The following GALNT13 variants were observed in gnomAD, a reference collection of about 807,000 sequenced individuals.
GALNT13 encodes UDP-GalNAc:polypeptide N-acetylgalactosaminyltransferase 13.
Under a neutral mutation model 64.2 loss-of-function variants are expected in GALNT13, and 28 were observed. The observed-to-expected ratio is 0.44, with a 90% CI of 0.32 to 0.60. GALNT13 has a LOEUF of 0.60. Ranked by LOEUF, GALNT13 falls within the 20% of genes least tolerant of loss-of-function variation. The pLI is 0.05. For missense variants in GALNT13, 577 were observed against 669.8 expected (o/e 0.86, Z 1.53); for synonymous variants, 214 against 224.6 (o/e 0.95, Z 0.42).
At chr2:153,509,216 G>A in the GALNT13 span, among the ~76,000 whole-genome samples, 19 of 152,346 alleles carry the variant, frequency 1.2e-4, no homozygotes, top group South Asian at 3.3e-3. Context: ...GGAGCTTCCA[G>A]GGTCCCTGAG....
the GALNT13 span, among the ~76,000 whole-genome samples, chr2:153,734,773 T>A: frequency 6.6e-6 from 1 of 152,208 alleles, no homozygotes; most frequent in Admixed American, 6.6e-5. Context: ...AATTATATTC[T>A]GATTACGCTG....
chr2:153,184,416 A>G, the GALNT13 span, among the ~76,000 whole-genome samples: 1 of 152,272 alleles, frequency 6.6e-6, no homozygotes, highest in Middle Eastern at 3.4e-3. Context: ...TCATCTGCAA[A>G]CAAAGATAAT....
Position 154,392,639 on chromosome 2 carries a change from C to CTTTT in GALNT13, c.1157-3352_1157-3351insTTTT, listed in dbSNP as rs1451875101. 2.6e-5 allele frequency among the ~76,000 whole-genome samples: 4 copies of CTTTT among 152,294 alleles called. No homozygotes were observed. The East Asian group carries it at 7.7e-4, about 29-fold the overall frequency. ...AGTATAAATGAATTCAAAAAGCCAGCCAAGAGCTATTTTCTAAAGGATCTT... is the reference window on the plus strand; with the variant it reads ...AGTATAAATGAATTCAAAAAGCCAGCTTTTCAAGAGCTATTTTCTAAAGGATCTT... On this transcript the variant is annotated intron_variant, in intron 9 of 12. Coordinates refer to ENST00000392825, the MANE Select transcript of GALNT13 (RefSeq NM_052917.4).
the GALNT13 span, among the ~76,000 whole-genome samples, chr2:153,486,845 T>C: frequency 2.0e-5 from 3 of 152,208 alleles, no homozygotes; most frequent in Admixed American, 6.5e-5. Flanking sequence ...TGATTTAGAC[T>C]TTGGAGTGAA....
intron 9 of GALNT13, among the ~76,000 whole-genome samples, chr2:154,388,779 A>G (rs1324514106): frequency 2.0e-5 from 3 of 152,302 alleles, no homozygotes; most frequent in African/African-American, 4.8e-5. Context: ...AAATAACAAA[A>G]TAAAGTCCAC....
chr2:154,077,730 C>T (rs1169003526), intron 3 of GALNT13, among the ~76,000 whole-genome samples: 1 of 151,344 alleles, frequency 6.6e-6, no homozygotes, highest in Non-Finnish European at 1.5e-5. Flanking sequence ...TTTGGAAATA[C>T]CCACAGATTT....
At chr2:153,225,168 A>G in the GALNT13 span, among the ~76,000 whole-genome samples, 2 of 152,226 alleles carry the variant, frequency 1.3e-5, no homozygotes. Context: ...AGATTCAAGG[A>G]GGGTTAAGCT....
At chr2:154,399,832 A>G (rs1349056484) in intron 10 of GALNT13, among the ~76,000 whole-genome samples, 1 of 152,198 alleles carries the variant, frequency 6.6e-6, no homozygotes, top group Non-Finnish European at 1.5e-5. Context: ...TGGGTAGGGC[A>G]AGAGAGAATC....
chr2:153,569,704 TC>T, the GALNT13 span, among the ~76,000 whole-genome samples: 1 of 151,998 alleles, frequency 6.6e-6, no homozygotes, highest in Non-Finnish European at 1.5e-5. Context: ...GTAATATCAT[TC>T]CTTTAGTTAT....
chr2:153,725,030 A>T, the GALNT13 span, among the ~76,000 whole-genome samples: 1 of 151,042 alleles, frequency 6.6e-6, no homozygotes, highest in Non-Finnish European at 1.5e-5. Context: ...AGCATTATTC[A>T]CAATAGCAAA....
At chr2:153,671,342 C>T in the GALNT13 span, among the ~76,000 whole-genome samples, 4 of 152,308 alleles carry the variant, frequency 2.6e-5, no homozygotes, top group Admixed American at 2.0e-4. Flanking sequence ...GTCAGACTAA[C>T]AGTGGATCTC....
At chr2:154,287,672 TCA>T (rs1380607848) in intron 8 of GALNT13, among the ~76,000 whole-genome samples, 1 of 152,030 alleles carries the variant, frequency 6.6e-6, no homozygotes, top group Non-Finnish European at 1.5e-5. Flanking sequence ...GTTTTAACGT[TCA>T]GTTTGCTCAT....
intron 1 of GALNT13, among the ~76,000 whole-genome samples, chr2:153,895,578 G>A (rs1252664533): frequency 6.6e-6 from 1 of 151,930 alleles, no homozygotes; most frequent in African/African-American, 2.4e-5. Context: ...GCAGAACTAG[G>A]GTCAAGTTGG....
intron 8 of GALNT13, among the ~76,000 whole-genome samples, chr2:154,276,200 T>G (rs2105931195): frequency 6.6e-6 from 1 of 152,088 alleles, no homozygotes; most frequent in African/African-American, 2.4e-5. Flanking sequence ...CTTTGTTTTC[T>G]TTTCTTTTCT....
At chr2:154,149,168 C>G (rs1442633495) in intron 4 of GALNT13, among the ~76,000 whole-genome samples, 1 of 152,118 alleles carries the variant, frequency 6.6e-6, no homozygotes, top group African/African-American at 2.4e-5. Flanking sequence ...TTCCCAGCAC[C>G]ATTTATTAAA....
the GALNT13 span, among the ~76,000 whole-genome samples, chr2:153,168,979 G>GT: frequency 7.3e-5 from 11 of 150,884 alleles, no homozygotes; most frequent in Admixed American, 3.3e-4. Context: ...CCTACCAGCT[G>GT]TTTTTTCTCT....
the GALNT13 span, among the ~76,000 whole-genome samples, chr2:153,580,143 T>C: frequency 6.6e-6 from 1 of 152,134 alleles, no homozygotes; most frequent in Non-Finnish European, 1.5e-5. Flanking sequence ...GGAAACAAAG[T>C]GTCATAGTTA....
the GALNT13 span, among the ~76,000 whole-genome samples, chr2:153,704,007 A>G: frequency 6.6e-6 from 1 of 152,142 alleles, no homozygotes; most frequent in Non-Finnish European, 1.5e-5. Flanking sequence ...AATACTCTAT[A>G]TTTCCAGTTC....
intron 3 of GALNT13, among the ~76,000 whole-genome samples, chr2:153,968,839 A>T (rs770830271): frequency 3.3e-5 from 5 of 152,194 alleles, no homozygotes; most frequent in South Asian, 2.1e-4. Flanking sequence ...AAACAAGGCT[A>T]TTGATCTTCT....
Sources: allele counts gnomAD v4.1 joint callset (sites outside exome capture counted in the v4.1 genomes callset), GRCh38; gene constraint gnomAD v4.1.1; transcripts MANE v1.5; gene names NCBI Gene and HGNC (gene_info 2026-07-23, HGNC 2026-07-21).